Variants in CENPI observed in about 807,000 individuals in gnomAD.
CENPI encodes the protein centromere protein I.
Under a neutral mutation model 60.4 loss-of-function variants are expected in CENPI, and 4 were observed. That is an observed-to-expected ratio of 0.07 (90% CI 0.03 to 0.15). The LOEUF (loss-of-function observed/expected upper bound fraction) is 0.15. CENPI is among the 10% of genes least tolerant of loss of function. The pLI is 1.00. For synonymous variants in CENPI, 157 were observed against 189.4 expected (o/e 0.83, Z 1.40); for missense variants, 444 against 534.5 (o/e 0.83, Z 1.67).
At chrX:101,150,732 G>GA (rs2090000158) in intron 20 of CENPI, among the ~76,000 whole-genome samples, 1 of 110,022 alleles carries the variant, frequency 9.1e-6, no homozygotes, top group African/African-American at 3.3e-5. Flanking sequence ...TCTATACTAT[G>GA]AAAATCTCAC....
intron 15 of CENPI, among the ~76,000 whole-genome samples, chrX:101,139,773 G>A (rs1049984281): frequency 2.8e-4 from 31 of 110,215 alleles, no homozygotes; most frequent in East Asian, 8.5e-4. Flanking sequence ...TAGATATTAC[G>A]GTTTATCATC....
chrX:101,161,585 T>G lies in CENPI; in HGVS notation c.2136+16T>G. 1 of 1,178,417 alleles carries G rather than the reference T, an allele frequency of 8.5e-7. No homozygotes were observed. Among genetic ancestry groups the G allele is most frequent in the Non-Finnish European group, 1.2e-6 (1 of 866,044 alleles). On this transcript the variant is annotated intron_variant, in intron 21 of 21. Coordinates refer to ENST00000682095, the MANE Select transcript of CENPI (RefSeq NM_001386188.2). ...CTCTATTCGGGTAAATAAATTTACTTTCATCGTGTTGAGGGATTTCATACA... is the reference window on the plus strand; with the variant it reads ...CTCTATTCGGGTAAATAAATTTACTGTCATCGTGTTGAGGGATTTCATACA...
chrX:101,180,310 T>A, the CENPI span, among the ~76,000 whole-genome samples: 3 of 110,590 alleles, frequency 2.7e-5, no homozygotes, highest in Non-Finnish European at 5.7e-5. Context: ...CTAATTTTTT[T>A]ATTTTTTGTA....
the CENPI span, among the ~76,000 whole-genome samples, chrX:101,175,143 T>G: frequency 8.0e-5 from 9 of 112,464 alleles, no homozygotes; most frequent in South Asian, 2.6e-3. Context: ...GAAATATTTT[T>G]TTAAATGTAT....
chrX:101,181,209 C>A, the CENPI span, among the ~76,000 whole-genome samples: 1 of 110,112 alleles, frequency 9.1e-6, no homozygotes, highest in Non-Finnish European at 1.9e-5. Flanking sequence ...TGTTATTGTA[C>A]CTTTGTGATA....
At chrX:101,179,505 C>T in the CENPI span, among the ~76,000 whole-genome samples, 1 of 110,576 alleles carries the variant, frequency 9.0e-6, no homozygotes, top group Non-Finnish European at 1.9e-5. Flanking sequence ...TTTATTTGAA[C>T]GCCTGTTTTT....
At chrX:101,120,049 C>T (rs776589205) in intron 6 of CENPI, among the ~76,000 whole-genome samples, 117 of 111,519 alleles carry the variant, frequency 1.0e-3, no homozygotes, top group Middle Eastern at 9.3e-3. Flanking sequence ...TTCATGCATT[C>T]CTTTCAATAT....
chrX:101,139,766 A>G (rs892934168), intron 15 of CENPI, among the ~76,000 whole-genome samples: 2 of 109,917 alleles, frequency 1.8e-5, no homozygotes, highest in Non-Finnish European at 3.8e-5. Context: ...AAATTTATAG[A>G]TATTACGGTT....
At position 101,120,178 on chromosome X, in the gene CENPI, A is replaced by G. The variant is rs534629297; in HGVS notation, c.592-224A>G. Among the ~76,000 whole-genome samples, 9 of 112,111 alleles carry G rather than the reference A, an allele frequency of 8.0e-5. No individual in the cohort carries two copies. In the East Asian group the frequency reaches 1.4e-3, roughly 17 times the overall value. On this transcript the variant is annotated intron_variant, in intron 6 of 21. Coordinates refer to ENST00000682095, the MANE Select transcript of CENPI (RefSeq NM_001386188.2). The stretch of plus-strand genomic sequence containing the variant: ...TTCAAATTGTCTGCAATACCTTTAC[A>G]TTCCAAAAATAACTAAAAAATGACC...
intron 4 of CENPI, among the ~76,000 whole-genome samples, chrX:101,107,814 G>A (rs2089501606): frequency 9.6e-6 from 1 of 103,998 alleles, no homozygotes; most frequent in Admixed American, 1.1e-4. Context: ...GATTACAGGC[G>A]CCTACCACAA....
rs141254101 is a variant in CENPI at position 101,145,278 on chromosome X, C to G, written c.1701+79C>G. The G allele has an allele frequency of 5.0e-3, 4,002 of 807,678 alleles. 26 individuals carry two copies. Among genetic ancestry groups the G allele is most frequent in the Non-Finnish European group, 3.8e-3 (2,152 of 563,452 alleles). The allele number at this position is 807,678 out of a possible 1,213,427, so 66.6% of individuals were successfully genotyped here. Reference sequence around the variant, plus strand: ...ATTGGCTTATTATTTAAATTTCATGCACAACCATTAAGGTGGGCTATGATC... The same window carrying G: ...ATTGGCTTATTATTTAAATTTCATGGACAACCATTAAGGTGGGCTATGATC... On this transcript the variant is annotated intron_variant, in intron 17 of 21. Transcript: ENST00000682095.
In CENPI at chrX:101,115,160, C is replaced by T. The variant is rs965516203; in HGVS notation, c.591+5162C>T. 1.6e-4 allele frequency among the ~76,000 whole-genome samples: 18 copies of T among 110,308 alleles called. 1 individual carries two copies. The highest frequency in any genetic ancestry group is 4.0e-4 in the African/African-American group (12 of 30,314). On this transcript the variant is annotated intron_variant, in intron 6 of 21. Transcript: ENST00000682095. ...TGTATTTTTAGTAGAGATGGGGTTT[C>T]GCCATGTTGGCCAGGCTGGTCTCAA...
downstream of CENPI, among the ~76,000 whole-genome samples, chrX:101,167,783 T>C (rs1296800919): frequency 1.8e-5 from 2 of 112,532 alleles, no homozygotes; most frequent in African/African-American, 3.2e-5. Context: ...GGTCATAACA[T>C]CTGAACTAGA....
chrX:101,162,472 AAAT>A (rs1348122635), intron 21 of CENPI, among the ~76,000 whole-genome samples: 9 of 85,676 alleles, frequency 1.1e-4, no homozygotes, highest in African/African-American at 2.5e-4. Context: ...AAAAAAAAAA[AAAT>A]ATATATATAT....
chrX:101,134,077 G>A (rs1319141296), intron 15 of CENPI, among the ~76,000 whole-genome samples: 7 of 111,905 alleles, frequency 6.3e-5, no homozygotes, highest in African/African-American at 1.3e-4. Flanking sequence ...TGAGAGAAAC[G>A]TGAGTGTGTT....
At chrX:101,120,870 C>T (rs2089670218) in intron 8 of CENPI, 86 bp downstream of exon 8, 3 of 679,185 alleles carry the variant, frequency 4.4e-6, no homozygotes, top group East Asian at 3.4e-5. Context: ...TCAAATAACT[C>T]TTGATCTTTT....
intron 13 of CENPI, among the ~76,000 whole-genome samples, chrX:101,131,985 TA>T (rs1433982499): frequency 8.9e-6 from 1 of 112,083 alleles, no homozygotes; most frequent in Non-Finnish European, 1.9e-5. Context: ...ACTGTATTGA[TA>T]AAAATGGTAA....
At chrX:101,148,901 A>G (rs1237992724) in intron 20 of CENPI, among the ~76,000 whole-genome samples, 1 of 112,054 alleles carries the variant, frequency 8.9e-6, no homozygotes, top group Non-Finnish European at 1.9e-5. Context: ...ATATATGTAT[A>G]CAATGAACCA....
intron 2 of CENPI, 99 bp downstream of exon 2, chrX:101,098,638 C>T (rs756954639): frequency 9.0e-6 from 1 of 111,730 alleles, no homozygotes; most frequent in East Asian, 2.8e-4. Flanking sequence ...ACATCCAATT[C>T]TTTTATCACG....
Sources: gnomAD v4.1 joint callset for allele counts (sites outside exome capture counted in the v4.1 genomes callset) on GRCh38, gnomAD v4.1.1 for gene constraint, MANE v1.5 for transcripts, NCBI Gene and HGNC (gene_info 2026-07-23, HGNC 2026-07-21) for gene names.